The following GRK7 variants were observed in gnomAD, a reference collection of about 807,000 sequenced individuals.
GRK7 encodes G protein-coupled receptor kinase 7, also known as rhodopsin kinase GRK7.
GRK7 carries 24 observed loss-of-function variants against 34.1 expected under a neutral mutation model. The ratio of observed to expected loss-of-function variants is 0.70; its 90% confidence interval spans 0.51 to 0.99. The LOEUF is 0.99. GRK7 is among the 50% of genes least tolerant of loss of function. The pLI is 0.00. For missense variants in GRK7, 644 were observed against 707.3 expected, an observed-to-expected ratio of 0.91 and a Z score of 1.02; for synonymous variants, 256 against 279.4, an observed-to-expected ratio of 0.92 and a Z score of 0.84.
At chr3:141,774,906 C>A (rs1032272203) in intron 2 of GRK7, among the ~76,000 whole-genome samples, 2 of 151,984 alleles carry the variant, frequency 1.3e-5, no homozygotes, top group African/African-American at 4.8e-5. Context: ...GATTCTCCTG[C>A]CTCAGCCTCT....
In GRK7 at chr3:141,780,773, G is replaced by GC; in HGVS notation, c.1014dup (p.Val339ArgfsTer22). 1 of 1,614,144 alleles carries GC rather than the reference G, an allele frequency of 6.2e-7. No homozygotes were observed. Among genetic ancestry groups the GC allele is most frequent in the Non-Finnish European group, 8.5e-7 (1 of 1,180,026 alleles). ...CTGCAGGTTATCTGACCTGGGGCTGGCCGTGGAGATGAAGGGTGGCAAGCC... is the reference window on the plus strand; with the variant it reads ...CTGCAGGTTATCTGACCTGGGGCTGGCCCGTGGAGATGAAGGGTGGCAAGCC... On this transcript the variant is annotated frameshift_variant, in exon 4 of 6. Transcript: ENST00000682958. LOFTEE classifies it high-confidence loss of function.
intron 4 of GRK7, among the ~76,000 whole-genome samples, chr3:141,787,843 T>TAAAA (rs11396159): frequency 7.4e-6 from 1 of 135,454 alleles, no homozygotes; most frequent in Non-Finnish European, 1.6e-5. Context: ...CTTTGTCTCT[T>TAAAA]AAAAAAAAAA....
At chr3:141,815,462 C>G (rs145035542) in intron 5 of GRK7, among the ~76,000 whole-genome samples, 2 of 152,154 alleles carry the variant, frequency 1.3e-5, no homozygotes, top group East Asian at 3.9e-4. Context: ...TCTGATGCCA[C>G]AAAACAGCCC....
At chr3:141,762,082 T>C (rs2084557431), upstream of GRK7, among the ~76,000 whole-genome samples, 1 of 149,948 alleles carries the variant, frequency 6.7e-6, no homozygotes, top group African/African-American at 2.5e-5. Flanking sequence ...TAGCTCAGAG[T>C]AATTTGATTG....
chr3:141,791,639 TTCAC>T (rs534766069), intron 4 of GRK7, among the ~76,000 whole-genome samples: 3 of 152,220 alleles, frequency 2.0e-5, no homozygotes, highest in Non-Finnish European at 2.9e-5. Flanking sequence ...CATGCCTTTA[TTCAC>T]TCACTCACTC....
chr3:141,780,580 G>C lies in GRK7; in HGVS notation c.819G>C (p.Gly273=). ...GCCTTGTCATGAGCCTGATGAATGGGGGAGACCTCAAGTTCCACATCTACA... is the reference window on the plus strand; with the variant it reads ...GCCTTGTCATGAGCCTGATGAATGGCGGAGACCTCAAGTTCCACATCTACA... ...HLCLVMSLMN[G]GDLKFHIYNV... Residue 273 remains glycine, a synonymous_variant, in exon 4 of 6, where the codon GGG becomes GGC. Coordinates refer to ENST00000682958, the MANE Select transcript of GRK7 (RefSeq NM_139209.3). The C allele has an allele frequency of 6.2e-7, 1 of 1,614,230 alleles. No homozygotes were observed. Among genetic ancestry groups the C allele is most frequent in the Non-Finnish European group, 8.5e-7 (1 of 1,180,038 alleles).
chr3:141,801,624 G>C (rs897279534), intron 4 of GRK7, among the ~76,000 whole-genome samples: 22 of 152,148 alleles, frequency 1.4e-4, no homozygotes, highest in African/African-American at 5.3e-4. Context: ...AATATGTCCA[G>C]ATAATATTAA....
intron 4 of GRK7, among the ~76,000 whole-genome samples, chr3:141,791,648 T>G (rs1407932900): frequency 1.3e-5 from 2 of 152,214 alleles, no homozygotes; most frequent in Non-Finnish European, 2.9e-5. Flanking sequence ...ATTCACTCAC[T>G]CACTCACTTG....
intron 4 of GRK7, among the ~76,000 whole-genome samples, chr3:141,794,203 T>G (rs1319239041): frequency 6.6e-6 from 1 of 152,172 alleles, no homozygotes. Flanking sequence ...GGACTTCACT[T>G]AAAAGACACA....
In GRK7 at chr3:141,769,717, G is replaced by A. The variant is rs538923211; in HGVS notation, c.-215+3979G>A. Among the ~76,000 whole-genome samples the A allele has an allele frequency of 2.0e-5, 3 of 152,138 alleles. No individual in the cohort carries two copies. In the East Asian group the frequency reaches 5.8e-4, roughly 29 times the overall value. ...TGGCCAGGCTCTGCTAATGAGGAAAGACACCAGGGCATCTCTCCCCATCTC... is the reference window on the plus strand; with the variant it reads ...TGGCCAGGCTCTGCTAATGAGGAAAAACACCAGGGCATCTCTCCCCATCTC... On this transcript the variant is annotated intron_variant, in intron 1 of 5. Transcript: ENST00000682958.
rs925180463 is a variant in GRK7, at chr3:141,778,018, G to T, written c.-113-154G>T. The T allele has an allele frequency of 1.3e-5, 6 of 477,476 alleles. No individual in the cohort carries two copies. The highest frequency in any genetic ancestry group is 6.0e-5 in the African/African-American group (3 of 50,410). 29.6% of individuals were successfully genotyped at this position (477,476 alleles called of 1,614,324 possible). A position where few individuals can be genotyped will look rare whatever the true frequency, so the allele number is the denominator to read the frequency against. ...AAGACCCTAAGATGAAGGGACCAGT[G>T]GGGGAGGTGGCCCCGGCAGGTGTCC... On this transcript the variant is annotated intron_variant, in intron 2 of 5. Transcript: ENST00000682958. This position sits in a 1 kb window ranked among gnomAD's most constrained non-coding sequence, Gnocchi z 4.1.
chr3:141,778,916 C>T lies in GRK7; in HGVS notation c.612+20C>T. The T allele has an allele frequency of 1.3e-6, 2 of 1,590,882 alleles. No individual in the cohort carries two copies. Among genetic ancestry groups the T allele is most frequent in the Middle Eastern group, 3.4e-4 (2 of 5,924 alleles). On this transcript the variant is annotated intron_variant, in intron 3 of 5. Transcript: ENST00000682958. This position sits in a 1 kb window ranked among gnomAD's most constrained non-coding sequence, Gnocchi z 4.1. ...GGGGAGGTAAGTGTCTCCCAGTAGC[C>T]AGGCTAGAAGGTGAAGCATAGAGCA...
chr3:141,807,897 C>A lies in GRK7; in HGVS notation c.1303C>A (p.Pro435Thr). 1 of 1,598,862 alleles carries A rather than the reference C, an allele frequency of 6.3e-7. No homozygotes were observed. The highest frequency in any genetic ancestry group is 1.1e-5 in the South Asian group (1 of 88,150). ...TTGCAGGCTCTTCTTGGCTAAGAAA[C>A]CAGAGCAACGCTTAGGAAGCAGGTA... The part of the protein sequence containing the change: ...DICRLFLAKK[P>T]EQRLGSREKS... Residue 435 changes from proline to threonine, a missense_variant, in exon 5 of 6, where the codon CCA becomes ACA. Pro to Thr is a conservative substitution (Grantham distance 38, BLOSUM62 -1). Transcript: ENST00000682958.
At chr3:141,755,464 A>G in the GRK7 span, among the ~76,000 whole-genome samples, 1 of 152,274 alleles carries the variant, frequency 6.6e-6, no homozygotes, top group African/African-American at 2.4e-5. Flanking sequence ...GGTCAACAGA[A>G]TACTGCCTGA....
At chr3:141,774,030 G>A (rs1489100076) in intron 1 of GRK7, among the ~76,000 whole-genome samples, 1 of 152,218 alleles carries the variant, frequency 6.6e-6, no homozygotes, top group Non-Finnish European at 1.5e-5. Context: ...TTTTGGCAAA[G>A]TGTGTGCTCT....
intron 4 of GRK7, 46 bp from the exon 5 acceptor site, chr3:141,807,599 G>A: frequency 6.5e-7 from 1 of 1,550,326 alleles, no homozygotes. Context: ...ACTCACCTTA[G>A]TGTCTTTGTT....
In GRK7 at chr3:141,816,936, A is replaced by G. The variant is rs1463443666; in HGVS notation, c.1548A>G (p.Ala516=). The G allele has an allele frequency of 1.2e-6, 2 of 1,614,052 alleles. No homozygotes were observed. The highest frequency in any genetic ancestry group is 3.3e-5 in the Admixed American group (2 of 59,996). Residue 516 remains alanine (A), a synonymous_variant, in exon 6 of 6, where the codon GCA becomes GCG. Transcript: ENST00000682958. ...TTGCGACAGGTGCTGTTCCTATAGCATGGCAGGAAGAAATTATAGAAACGG... is the reference window on the plus strand; with the variant it reads ...TTGCGACAGGTGCTGTTCCTATAGCGTGGCAGGAAGAAATTATAGAAACGG... ...KNFATGAVPI[A]WQEEIIETGL...
chr3:141,778,131 AG>A lies in GRK7; in HGVS notation c.-113-40del. On this transcript the variant is annotated intron_variant, in intron 2 of 5. Transcript: ENST00000682958. This position sits in a 1 kb window ranked among gnomAD's most constrained non-coding sequence, Gnocchi z 4.1. ...ACATAGCCAGTCAAAGCTTCTTACA[AG>A]AGAAACCTCTTTCACACCCTCCACG... 1 of 918,774 alleles carries A rather than the reference AG, an allele frequency of 1.1e-6. No individual in the cohort carries two copies. The highest frequency in any genetic ancestry group is 2.0e-5 in the South Asian group (1 of 51,094). 56.9% of individuals were successfully genotyped at this position (918,774 alleles called of 1,614,324 possible). A position where few individuals can be genotyped will look rare whatever the true frequency, so the allele number is the denominator to read the frequency against.
At chr3:141,785,491 G>A (rs187727939) in intron 4 of GRK7, among the ~76,000 whole-genome samples, 5 of 152,298 alleles carry the variant, frequency 3.3e-5, no homozygotes, top group Admixed American at 1.3e-4. Flanking sequence ...TAGGCTGGCC[G>A]TGGTGGCTCA....
Sources: gnomAD v4.1 joint callset for allele counts (sites outside exome capture counted in the v4.1 genomes callset) on GRCh38, gnomAD v4.1.1 for gene constraint, Gnocchi (gnomAD v3.1) non-coding constraint, MANE v1.5 for transcripts, NCBI Gene and HGNC (gene_info 2026-07-23, HGNC 2026-07-21) for gene names.